Variants in SLC24A2 observed in about 807,000 individuals in gnomAD.
SLC24A2 encodes sodium/potassium/calcium exchanger 2.
Under a neutral mutation model 62.0 loss-of-function variants are expected in SLC24A2, and 36 were observed. The observed-to-expected ratio is 0.58, with a 90% CI of 0.44 to 0.77. The LOEUF is 0.77. Among genes scored for constraint, SLC24A2 ranks in the 30% least tolerant of loss-of-function variants. The pLI, the probability that SLC24A2 is intolerant of heterozygous loss-of-function variation, is 0.00. For synonymous variants in SLC24A2, 358 were observed against 294.0 expected, an observed-to-expected ratio of 1.22 and a Z score of -2.23; for missense variants, 846 against 817.9, an observed-to-expected ratio of 1.03 and a Z score of -0.42.
At chr9:19,641,076 T>A (rs925266254) in intron 2 of SLC24A2, among the ~76,000 whole-genome samples, 1 of 152,208 alleles carries the variant, frequency 6.6e-6, no homozygotes, top group Non-Finnish European at 1.5e-5. Flanking sequence ...GATGCGTCAG[T>A]CTAGTGATTT....
chr9:19,949,407 G>A, the SLC24A2 span, among the ~76,000 whole-genome samples: 1 of 152,208 alleles, frequency 6.6e-6, no homozygotes, highest in Admixed American at 6.5e-5. Flanking sequence ...AAAGAAGATA[G>A]AGGGAAATGT....
At chr9:20,054,461 G>T in the SLC24A2 span, among the ~76,000 whole-genome samples, 1 of 152,168 alleles carries the variant, frequency 6.6e-6, no homozygotes, top group African/African-American at 2.4e-5. Context: ...CAAAGTGCTG[G>T]AATTACAGGC....
chr9:20,050,721 T>C, the SLC24A2 span, among the ~76,000 whole-genome samples: 1 of 152,180 alleles, frequency 6.6e-6, no homozygotes, highest in Non-Finnish European at 1.5e-5. Flanking sequence ...TAAGCAAATA[T>C]TGGAGTCTGG....
chr9:20,116,574 G>T, the SLC24A2 span, among the ~76,000 whole-genome samples: 1 of 152,244 alleles, frequency 6.6e-6, no homozygotes, highest in East Asian at 1.9e-4. Context: ...ACCATACTGT[G>T]CCGTCTTTTC....
chr9:19,712,180 C>T (rs369198068), intron 2 of SLC24A2, among the ~76,000 whole-genome samples: 7 of 152,226 alleles, frequency 4.6e-5, no homozygotes, highest in South Asian at 4.1e-4. Context: ...ACGTTTAGGA[C>T]GAGGATTCCA....
the SLC24A2 span, among the ~76,000 whole-genome samples, chr9:20,280,691 C>T: frequency 6.6e-6 from 1 of 152,170 alleles, no homozygotes; most frequent in Non-Finnish European, 1.5e-5. Context: ...ACACCAGAGG[C>T]TATGAATGTA....
chr9:20,154,022 G>A, the SLC24A2 span, among the ~76,000 whole-genome samples: 1 of 151,782 alleles, frequency 6.6e-6, no homozygotes, highest in Non-Finnish European at 1.5e-5. Context: ...CAGATTTCTT[G>A]GGAAAGTTCT....
At chr9:19,826,010 T>C in the SLC24A2 span, among the ~76,000 whole-genome samples, 4 of 152,070 alleles carry the variant, frequency 2.6e-5, no homozygotes, top group Non-Finnish European at 4.4e-5. Flanking sequence ...CTGTTAAATA[T>C]AGAATATGAC....
chr9:19,715,024 C>G (rs1820818960), intron 2 of SLC24A2, among the ~76,000 whole-genome samples: 1 of 151,988 alleles, frequency 6.6e-6, no homozygotes, highest in Non-Finnish European at 1.5e-5. Context: ...TAAGGTGCCT[C>G]AACCTTTCCC....
At chr9:19,927,992 T>G in the SLC24A2 span, 1 of 152,410 alleles carries the variant, frequency 6.6e-6, no homozygotes. Flanking sequence ...CCTGGGCCAT[T>G]GTTTTCCTGG....
chr9:19,796,019 G>C, the SLC24A2 span, among the ~76,000 whole-genome samples: 7 of 150,498 alleles, frequency 4.7e-5, no homozygotes, highest in Non-Finnish European at 7.4e-5. Flanking sequence ...ACTATCGTAA[G>C]GACAAAAAAC....
chr9:19,919,566 A>G, the SLC24A2 span, among the ~76,000 whole-genome samples: 1 of 151,878 alleles, frequency 6.6e-6, no homozygotes, highest in Non-Finnish European at 1.5e-5. Flanking sequence ...TGTGGAAAAA[A>G]CCTCTTTTTT....
the SLC24A2 span, among the ~76,000 whole-genome samples, chr9:20,137,259 A>C: frequency 2.5e-4 from 38 of 152,342 alleles, no homozygotes; most frequent in Admixed American, 1.0e-3. Flanking sequence ...ATGGTATTTA[A>C]AAGATCACTT....
At chr9:19,581,473 G>A (rs1464349904) in intron 5 of SLC24A2, among the ~76,000 whole-genome samples, 2 of 152,158 alleles carry the variant, frequency 1.3e-5, no homozygotes, top group Non-Finnish European at 1.5e-5. Flanking sequence ...GAATAAGTAA[G>A]ATGGAGCTAA....
chr9:19,994,708 G>C, the SLC24A2 span, among the ~76,000 whole-genome samples: 2 of 152,112 alleles, frequency 1.3e-5, no homozygotes, highest in Non-Finnish European at 2.9e-5. Flanking sequence ...ATCGGACATG[G>C]GCTGCCATCT....
At chr9:19,862,303 C>G in the SLC24A2 span, among the ~76,000 whole-genome samples, 1 of 152,064 alleles carries the variant, frequency 6.6e-6, no homozygotes, top group Admixed American at 6.6e-5. Context: ...ATTTAAAATA[C>G]TCAAAGAAAA....
chr9:19,986,634 T>C, the SLC24A2 span, among the ~76,000 whole-genome samples: 1 of 152,142 alleles, frequency 6.6e-6, no homozygotes, highest in African/African-American at 2.4e-5. Flanking sequence ...TACTGACGTA[T>C]GTTACAGTAT....
chr9:20,273,082 C>T, the SLC24A2 span, among the ~76,000 whole-genome samples: 1 of 152,188 alleles, frequency 6.6e-6, no homozygotes, highest in East Asian at 1.9e-4. Flanking sequence ...ATGTGTCTAA[C>T]CAATACCACA....
At chr9:19,937,213 A>C in the SLC24A2 span, among the ~76,000 whole-genome samples, 2 of 152,332 alleles carry the variant, frequency 1.3e-5, no homozygotes, top group Non-Finnish European at 2.9e-5. Context: ...CAAGATGAAA[A>C]CAGACCAACT....
Sources: gnomAD v4.1 joint callset for allele counts (sites outside exome capture counted in the v4.1 genomes callset) on GRCh38, gnomAD v4.1.1 for gene constraint, MANE v1.5 for transcripts, NCBI Gene and HGNC (gene_info 2026-07-23, HGNC 2026-07-21) for gene names.